Variants in PAK6 observed in about 807,000 individuals in gnomAD.
PAK6 encodes the protein serine/threonine-protein kinase PAK 6.
Under a neutral mutation model 60.8 loss-of-function variants are expected in PAK6, and 33 were observed. That is an observed-to-expected ratio of 0.54 (90% CI 0.41 to 0.73). The LOEUF (loss-of-function observed/expected upper bound fraction) is 0.73, where lower values mean the gene tolerates loss of function less well. Ranked by LOEUF, PAK6 falls within the 30% of genes least tolerant of loss-of-function variation. PAK6 has a pLI of 0.00. For missense variants in PAK6, 845 were observed against 904.1 expected, an observed-to-expected ratio of 0.93 and a Z score of 0.84; for synonymous variants, 404 against 378.5, an observed-to-expected ratio of 1.07 and a Z score of -0.78.
At chr15:40,254,008 G>T (rs1327424809) in intron 3 of PAK6, among the ~76,000 whole-genome samples, 1 of 152,118 alleles carries the variant, frequency 6.6e-6, no homozygotes, top group African/African-American at 2.4e-5. Context: ...ATAAGAAAAC[G>T]CCTGGTTCCA....
chr15:40,265,881 A>C, exon 5 of PAK6: 2 of 1,560,570 alleles, frequency 1.3e-6, no homozygotes, highest in Non-Finnish European at 1.7e-6. Context: ...GGATGGCTAC[A>C]TCTCGGGGCT....
exon 5 of PAK6, chr15:40,265,899 G>T (rs775883867): frequency 1.3e-6 from 2 of 1,583,602 alleles, no homozygotes; most frequent in Admixed American, 3.5e-5. Flanking sequence ...GCTGCTCAAC[G>T]ACATCCAGAA....
chr15:40,249,969 G>T (rs1382527912), intron 2 of PAK6, among the ~76,000 whole-genome samples: 1 of 152,254 alleles, frequency 6.6e-6, no homozygotes, highest in Non-Finnish European at 1.5e-5. Flanking sequence ...GGAGTGCCTG[G>T]ACAATTCCTT....
chr15:40,242,963 T>G (rs1362158273), intron 2 of PAK6, among the ~76,000 whole-genome samples: 2 of 152,124 alleles, frequency 1.3e-5, no homozygotes, highest in Non-Finnish European at 2.9e-5. Flanking sequence ...CTCATAGCCC[T>G]GCAGCAGAGC....
At chr15:40,243,879 G>A (rs1286709705) in intron 2 of PAK6, among the ~76,000 whole-genome samples, 1 of 152,200 alleles carries the variant, frequency 6.6e-6, no homozygotes, top group Non-Finnish European at 1.5e-5. Flanking sequence ...ACTCCTTTTG[G>A]GGACTGGAAG....
At chr15:40,273,856 C>T (rs1282512009) in intron 9 of PAK6, 180 bp downstream of exon 9, 13 of 778,438 alleles carry the variant, frequency 1.7e-5, no homozygotes, top group Non-Finnish European at 2.6e-5. Flanking sequence ...CTGCCAGGAA[C>T]GAGTCCTGCA....
chr15:40,257,198 C>G (rs1473556519), intron 3 of PAK6: 1 of 152,480 alleles, frequency 6.6e-6, no homozygotes, highest in Non-Finnish European at 1.5e-5. Context: ...GGCCTCCTCT[C>G]TTCCCAGTCG....
At position 40,275,280 on chromosome 15, in the gene PAK6, G is replaced by GTTTTTTTTTTTTTTTTTTTTTTTT. The variant is rs869058525; in HGVS notation, c.1879-625_1879-624insTTTTTTTTTTTTTTTTTTTTTTTT. 3.9e-3 allele frequency among the ~76,000 whole-genome samples: 218 copies of GTTTTTTTTTTTTTTTTTTTTTTTT among 56,482 alleles called. 53 individuals are homozygous for GTTTTTTTTTTTTTTTTTTTTTTTT. Among genetic ancestry groups the GTTTTTTTTTTTTTTTTTTTTTTTT allele is most frequent in the Non-Finnish European group, 5.1e-3 (165 of 32,488 alleles). 37.1% of individuals were successfully genotyped at this position (56,482 alleles called of 152,430 possible). ...GACTTGTTTGTTTCTGTTGTTGTTG[G>GTTTTTTTTTTTTTTTTTTTTTTTT]TTTTTTTTTTTTTTTTTTTTTTGGA... is the stretch of plus-strand genomic sequence containing the variant. On this transcript the variant is annotated intron_variant, in intron 10 of 10. Transcript: ENST00000560346.
chr15:40,268,696 G>A (rs994519631), intron 5 of PAK6, among the ~76,000 whole-genome samples: 3 of 152,238 alleles, frequency 2.0e-5, no homozygotes, highest in Admixed American at 2.0e-4. Flanking sequence ...GAGGCCTGGA[G>A]TCACTCTAGC....
intron 10 of PAK6, among the ~76,000 whole-genome samples, chr15:40,275,165 C>G (rs2039412273): frequency 6.6e-6 from 1 of 151,972 alleles, no homozygotes; most frequent in Non-Finnish European, 1.5e-5. Context: ...TAAGCCCTTG[C>G]TTTAGACTCT....
Position 40,243,257 on chromosome 15 carries a change from A to T in PAK6, c.-118+2576A>T, listed in dbSNP as rs541402805. Among the ~76,000 whole-genome samples the T allele has an allele frequency of 2.6e-5, 4 of 152,332 alleles. No individual in the cohort carries two copies. The South Asian group carries it at 6.2e-4, about 24-fold the overall frequency. ...AGCTTCTATCTGCAGTTGCAGGAGG[A>T]GGTGAAGGCTCGGGGAGATAGACCA... On this transcript the variant is annotated intron_variant, in intron 2 of 10. Coordinates refer to ENST00000560346, the Ensembl canonical transcript of PAK6.
chr15:40,275,300 T>TTTTTTTTTTTTTTTTTTTTA (rs2039426093), intron 10 of PAK6, among the ~76,000 whole-genome samples: 1 of 135,296 alleles, frequency 7.4e-6, no homozygotes, highest in Non-Finnish European at 1.6e-5. Context: ...TTTTTTTTTT[T>TTTTTTTTTTTTTTTTTTTTA]TTGGAGATGG....
intron 3 of PAK6, chr15:40,264,568 G>T: frequency 1.6e-6 from 1 of 631,750 alleles, no homozygotes. Context: ...AGTCTGCACT[G>T]GCTTATTTAT....
At chr15:40,274,054 G>A (rs2140994712) in intron 9 of PAK6, 88 bp from the exon 10 acceptor site, 2 of 1,491,148 alleles carry the variant, frequency 1.3e-6, no homozygotes, top group Non-Finnish European at 1.8e-6. Flanking sequence ...GGGGCCAGCT[G>A]TCCCCCCTCC....
intron 3 of PAK6, among the ~76,000 whole-genome samples, chr15:40,260,990 G>A (rs992101297): frequency 3.3e-5 from 5 of 151,490 alleles, no homozygotes; most frequent in East Asian, 2.0e-4. Flanking sequence ...CCAGGTTCAC[G>A]CCATTCTCCT....
chr15:40,275,483 G>A (rs1358413487), intron 10 of PAK6, among the ~76,000 whole-genome samples: 5 of 151,662 alleles, frequency 3.3e-5, no homozygotes, highest in African/African-American at 1.2e-4. Context: ...ACAGGGTTTC[G>A]CCATGTTGGT....
chr15:40,271,797 G>T (rs1452323203), intron 5 of PAK6, among the ~76,000 whole-genome samples: 9 of 152,218 alleles, frequency 5.9e-5, no homozygotes, highest in Non-Finnish European at 1.2e-4. Flanking sequence ...GTCCTGGGGT[G>T]GGGGAGCCTT....
intron 2 of PAK6, chr15:40,252,746 C>G (rs1251424253): frequency 7.7e-6 from 10 of 1,302,074 alleles, no homozygotes; most frequent in Middle Eastern, 2.4e-4. Context: ...CCTCCCAACA[C>G]GCGCAGCCCC....
chr15:40,254,878 A>G (rs1595577237), intron 3 of PAK6, among the ~76,000 whole-genome samples: 1 of 152,224 alleles, frequency 6.6e-6, no homozygotes, highest in East Asian at 1.9e-4. Context: ...CTTTATAAGC[A>G]TACCTTTCTT....
Sources: allele counts gnomAD v4.1 joint callset (sites outside exome capture counted in the v4.1 genomes callset), GRCh38; gene constraint gnomAD v4.1.1; transcripts MANE v1.5; gene names NCBI Gene and HGNC (gene_info 2026-07-23, HGNC 2026-07-21).